DTWD2: variants seen among roughly 807,000 people sequenced by gnomAD.
The protein encoded by DTWD2 is DTW motif tRNA-uridine aminocarboxypropyltransferase 2, also known as tRNA-uridine aminocarboxypropyltransferase 2.
In DTWD2, 39 loss-of-function variants were observed where a neutral mutation model predicts 31.8. The observed-to-expected ratio is 1.22, with a 90% confidence interval of 0.95 to 1.60. DTWD2 has a LOEUF of 1.60. Ranked by LOEUF, DTWD2 falls within the 40% of genes most tolerant of loss-of-function variation. The pLI is 0.00. For synonymous variants in DTWD2, 180 were observed against 142.8 expected (o/e 1.26, Z -1.86); for missense variants, 515 against 381.5 (o/e 1.35, Z -2.92).
intron 4 of DTWD2, among the ~76,000 whole-genome samples, chr5:118,899,101 C>T (rs1284319268): frequency 6.6e-6 from 1 of 152,202 alleles, no homozygotes; most frequent in East Asian, 1.9e-4. Flanking sequence ...GTCTTTTTCA[C>T]AGCCTATTTA....
At chr5:118,861,069 T>A (rs1752249585) in intron 4 of DTWD2, among the ~76,000 whole-genome samples, 1 of 152,206 alleles carries the variant, frequency 6.6e-6, no homozygotes. Context: ...AAGGACAATT[T>A]TCTCTAATTA....
At chr5:118,908,631 T>C (rs1184983025) in intron 4 of DTWD2, among the ~76,000 whole-genome samples, 1 of 147,996 alleles carries the variant, frequency 6.8e-6, no homozygotes, top group Non-Finnish European at 1.5e-5. Context: ...ACAAAACAAA[T>C]GCATCCCACA....
intron 1 of DTWD2, among the ~76,000 whole-genome samples, chr5:118,953,449 A>C (rs188748502): frequency 6.6e-6 from 1 of 152,280 alleles, no homozygotes; most frequent in East Asian, 1.9e-4. Context: ...CCCCTGCATG[A>C]AAATTTGACC....
rs1445387053 is a variant in DTWD2 at position 118,838,182 on chromosome 5, C to G, written c.*2735G>C. On this transcript the variant is annotated 3_prime_UTR_variant, in exon 6 of 6. Coordinates refer to ENST00000510708, the MANE Select transcript of DTWD2 (RefSeq NM_173666.4). ...TTTACACTCATGTGTGCAAGAAACT[C>G]TCAATACCTCTCATTACACGCAGTG... 6.6e-6 allele frequency: 1 copy of G among 152,146 alleles called. No homozygotes were observed. The highest frequency in any genetic ancestry group is 1.5e-5 in the Non-Finnish European group (1 of 68,046). 9.4% of individuals were successfully genotyped at this position (152,146 alleles called of 1,614,324 possible). A position where few individuals can be genotyped will look rare whatever the true frequency, so the allele number is the denominator to read the frequency against.
At chr5:118,856,444 A>G (rs955705454) in intron 4 of DTWD2, among the ~76,000 whole-genome samples, 2 of 152,182 alleles carry the variant, frequency 1.3e-5, no homozygotes, top group Admixed American at 1.3e-4. Flanking sequence ...ATTATAAACA[A>G]AGTAATAAAA....
chr5:118,979,633 A>G (rs988492475), intron 1 of DTWD2, among the ~76,000 whole-genome samples: 2 of 152,268 alleles, frequency 1.3e-5, no homozygotes, highest in African/African-American at 2.4e-5. Context: ...TAGACTGGAT[A>G]TAGAAAATGT....
rs187626664 is a variant in DTWD2 at position 118,869,809 on chromosome 5, G to A, written c.598-21591C>T. On this transcript the variant is annotated intron_variant, in intron 4 of 5. Coordinates refer to ENST00000510708, the MANE Select transcript of DTWD2 (RefSeq NM_173666.4). ...ACTTCTAATTATCTTATACGGCCTGGATGTGTGTCTCTCCAAATCTCATGC... is the reference window on the plus strand; with the variant it reads ...ACTTCTAATTATCTTATACGGCCTGAATGTGTGTCTCTCCAAATCTCATGC... Among the ~76,000 whole-genome samples the A allele has an allele frequency of 7.6e-4, 115 of 152,250 alleles. 1 individual carries two copies. Among genetic ancestry groups the A allele is most frequent in the African/African-American group, 2.8e-3 (115 of 41,542 alleles).
At chr5:118,903,614 C>T (rs2149566907) in intron 4 of DTWD2, among the ~76,000 whole-genome samples, 1 of 152,076 alleles carries the variant, frequency 6.6e-6, no homozygotes, top group Admixed American at 6.5e-5. Context: ...ATCTCTAAAT[C>T]TCTAGCTAAC....
chr5:118,956,030 C>T (rs564377072), intron 1 of DTWD2, among the ~76,000 whole-genome samples: 1 of 152,186 alleles, frequency 6.6e-6, no homozygotes, highest in East Asian at 1.9e-4. Flanking sequence ...AATGTCACTA[C>T]CAATGTTATT....
At chr5:118,984,369 G>C (rs1755373876) in intron 1 of DTWD2, among the ~76,000 whole-genome samples, 2 of 151,842 alleles carry the variant, frequency 1.3e-5, no homozygotes, top group African/African-American at 4.8e-5. Flanking sequence ...GCTGAAGCAG[G>C]AGAATGGTTT....
At chr5:118,848,760 A>C (rs1252085669) in intron 4 of DTWD2, among the ~76,000 whole-genome samples, 1 of 152,230 alleles carries the variant, frequency 6.6e-6, no homozygotes, top group Non-Finnish European at 1.5e-5. Flanking sequence ...AACCTGACAC[A>C]AACAAGCAAT....
chr5:118,884,996 CAAAA>C (rs36042211), intron 4 of DTWD2, among the ~76,000 whole-genome samples: 25 of 49,748 alleles, frequency 5.0e-4, no homozygotes, highest in African/African-American at 1.9e-3. Context: ...ACTCCATCTC[CAAAA>C]AAAAAAAAAA....
chr5:118,964,260 T>A (rs1754775933), intron 1 of DTWD2, among the ~76,000 whole-genome samples: 1 of 151,396 alleles, frequency 6.6e-6, no homozygotes, highest in Admixed American at 6.6e-5. Context: ...ACATCTCAGA[T>A]GTGTTTACTC....
At chr5:118,966,725 T>C (rs1469944533) in intron 1 of DTWD2, among the ~76,000 whole-genome samples, 1 of 152,036 alleles carries the variant, frequency 6.6e-6, no homozygotes, top group Non-Finnish European at 1.5e-5. Context: ...TTCTCCATAA[T>C]TACAAATTAA....
At chr5:118,899,053 T>C (rs2149564398) in intron 4 of DTWD2, among the ~76,000 whole-genome samples, 1 of 152,368 alleles carries the variant, frequency 6.6e-6, no homozygotes, top group Admixed American at 6.5e-5. Context: ...AATTCAGTGA[T>C]GCTGTATCTT....
At chr5:118,947,059 G>C (rs910820490) in intron 1 of DTWD2, among the ~76,000 whole-genome samples, 1 of 152,160 alleles carries the variant, frequency 6.6e-6, no homozygotes, top group African/African-American at 2.4e-5. Flanking sequence ...CATGACAGGA[G>C]TGCCTGCCTC....
chr5:118,874,029 G>C (rs1359146455), intron 4 of DTWD2, among the ~76,000 whole-genome samples: 2 of 152,188 alleles, frequency 1.3e-5, no homozygotes, highest in African/African-American at 4.8e-5. Context: ...AGAGAACAAA[G>C]TCTGGGTGCA....
Position 118,837,502 on chromosome 5 carries a change from C to T in DTWD2, c.*3415G>A, listed in dbSNP as rs537752569. ...AATAACAACTACAGGCAAGGGTCAACAATTTAGCTCCCTGAAATTCAGCAT... is the reference window on the plus strand; with the variant it reads ...AATAACAACTACAGGCAAGGGTCAATAATTTAGCTCCCTGAAATTCAGCAT... On this transcript the variant is annotated 3_prime_UTR_variant, in exon 6 of 6. Transcript: ENST00000510708. The T allele has an allele frequency of 1.3e-5, 2 of 152,274 alleles. No homozygotes were observed. The highest frequency in any genetic ancestry group is 2.1e-4 in the South Asian group (1 of 4,826). The allele number at this position is 152,274 out of a possible 1,614,324, so 9.4% of individuals were successfully genotyped here. A position where few individuals can be genotyped will look rare whatever the true frequency, so the allele number is the denominator to read the frequency against.
chr5:118,904,218 CAT>C (rs541821437), intron 4 of DTWD2, among the ~76,000 whole-genome samples: 37 of 152,182 alleles, frequency 2.4e-4, no homozygotes, highest in South Asian at 2.3e-3. Flanking sequence ...AAAATATACA[CAT>C]GTTTTAACCC....
Sources: gnomAD v4.1 joint callset for allele counts (sites outside exome capture counted in the v4.1 genomes callset) on GRCh38, gnomAD v4.1.1 for gene constraint, MANE v1.5 for transcripts, NCBI Gene and HGNC (gene_info 2026-07-23, HGNC 2026-07-21) for gene names.